The following CSNK2A2IP variants were observed in gnomAD, a reference collection of about 807,000 sequenced individuals.
The protein encoded by CSNK2A2IP is casein kinase II subunit alpha'-interacting protein.
chr3:88,342,798 T>C, the CSNK2A2IP span, among the ~76,000 whole-genome samples: 1 of 151,836 alleles, frequency 6.6e-6, no homozygotes, highest in Non-Finnish European at 1.5e-5. Context: ...CTTTTGTAGG[T>C]TGATAATTTT....
chr3:88,446,110 CTTTCTTTT>C, the CSNK2A2IP span, among the ~76,000 whole-genome samples: 95 of 88,954 alleles, frequency 1.1e-3, 2 homozygotes, highest in African/African-American at 4.1e-3. Flanking sequence ...TTTTTTCTTT[CTTTCTTTT>C]TTTTCTTTCT....
the CSNK2A2IP span, among the ~76,000 whole-genome samples, chr3:88,419,671 G>T: frequency 1.3e-5 from 2 of 152,108 alleles, no homozygotes; most frequent in African/African-American, 4.8e-5. Flanking sequence ...AGTTCTTTGA[G>T]AAAAGGAAGT....
chr3:88,437,409 A>G, the CSNK2A2IP span, among the ~76,000 whole-genome samples: 1 of 152,186 alleles, frequency 6.6e-6, no homozygotes, highest in Non-Finnish European at 1.5e-5. Flanking sequence ...TACTGCCCTC[A>G]ATTAAATGAA....
At chr3:88,426,889 T>TGGGGGGGGGG in the CSNK2A2IP span, among the ~76,000 whole-genome samples, 3 of 123,732 alleles carry the variant, frequency 2.4e-5, no homozygotes, top group East Asian at 2.7e-4. Context: ...CCACGGGGGA[T>TGGGGGGGGGG]GGGGGGGGGC....
the CSNK2A2IP span, among the ~76,000 whole-genome samples, chr3:88,371,209 T>C: frequency 6.6e-6 from 1 of 151,848 alleles, no homozygotes; most frequent in African/African-American, 2.4e-5. Flanking sequence ...CATCCAGCAA[T>C]GCAAACTGAT....
chr3:88,465,090 A>T, the CSNK2A2IP span: 8 of 291,802 alleles, frequency 2.7e-5, no homozygotes, highest in Non-Finnish European at 4.4e-5. Flanking sequence ...GTTAACAGGC[A>T]TTATTTACTC....
the CSNK2A2IP span, among the ~76,000 whole-genome samples, chr3:88,447,455 G>A: frequency 1.3e-5 from 2 of 151,986 alleles, no homozygotes; most frequent in Non-Finnish European, 2.9e-5. Flanking sequence ...AATTCTAACT[G>A]TAGAAACTAA....
the CSNK2A2IP span, among the ~76,000 whole-genome samples, chr3:88,464,175 A>AG: frequency 9.4e-6 from 1 of 106,036 alleles, no homozygotes; most frequent in Non-Finnish European, 1.9e-5. Context: ...GTGTGGGGGG[A>AG]GGGGGGAGGG....
chr3:88,466,406 CA>C, the CSNK2A2IP span: 7 of 1,231,930 alleles, frequency 5.7e-6, no homozygotes, highest in Non-Finnish European at 7.1e-6. Context: ...ACCACTTCAC[CA>C]AATGGCAAAC....
chr3:88,443,583 A>G, the CSNK2A2IP span, among the ~76,000 whole-genome samples: 11 of 152,096 alleles, frequency 7.2e-5, no homozygotes, highest in African/African-American at 2.7e-4. Context: ...AAAGATAGAG[A>G]AACAGAAATT....
chr3:88,426,976 C>G, the CSNK2A2IP span, among the ~76,000 whole-genome samples: 1 of 151,652 alleles, frequency 6.6e-6, no homozygotes, highest in East Asian at 1.9e-4. Flanking sequence ...GAGATTGGAA[C>G]AGTTTGGAGG....
chr3:88,421,873 A>C, the CSNK2A2IP span, among the ~76,000 whole-genome samples: 3 of 152,292 alleles, frequency 2.0e-5, no homozygotes, highest in Non-Finnish European at 4.4e-5. Flanking sequence ...CTTTTACCAG[A>C]AACTATTCTA....
chr3:88,343,379 G>A, the CSNK2A2IP span: 22 of 152,112 alleles, frequency 1.4e-4, no homozygotes, highest in Non-Finnish European at 2.4e-4. Context: ...AAAGGAGACA[G>A]AAACAAGGGA....
At chr3:88,372,764 T>TAAG in the CSNK2A2IP span, among the ~76,000 whole-genome samples, 2 of 151,444 alleles carry the variant, frequency 1.3e-5, no homozygotes, top group South Asian at 2.1e-4. Context: ...ATTTTAAATA[T>TAAG]AAGTATGTTG....
At chr3:88,466,605 T>C in the CSNK2A2IP span, 2 of 1,231,566 alleles carry the variant, frequency 1.6e-6, no homozygotes, top group Admixed American at 4.2e-5. Context: ...CTTTAAAGTA[T>C]AGTCAGCCCT....
the CSNK2A2IP span, among the ~76,000 whole-genome samples, chr3:88,452,034 A>G: frequency 3.7e-4 from 56 of 152,218 alleles, no homozygotes; most frequent in African/African-American, 1.3e-3. Flanking sequence ...CTGCTCTGGA[A>G]TATTCTCTAA....
chr3:88,456,217 C>A, the CSNK2A2IP span, among the ~76,000 whole-genome samples: 15 of 152,096 alleles, frequency 9.9e-5, no homozygotes, highest in African/African-American at 3.6e-4. Context: ...ATTGCTTTTT[C>A]TATTTCTGCA....
the CSNK2A2IP span, chr3:88,465,509 A>G: frequency 8.1e-7 from 1 of 1,231,734 alleles, no homozygotes; most frequent in Non-Finnish European, 1.0e-6. Flanking sequence ...TCCCATAGCA[A>G]TCACTTTGCA....
the CSNK2A2IP span, among the ~76,000 whole-genome samples, chr3:88,405,577 G>T: frequency 2.0e-5 from 3 of 152,078 alleles, no homozygotes; most frequent in African/African-American, 7.2e-5. Context: ...TTAGGCCTAG[G>T]AATAATAATA....
Sources: gnomAD v4.1 joint callset for allele counts (sites outside exome capture counted in the v4.1 genomes callset) on GRCh38, gnomAD v4.1.1 for gene constraint, MANE v1.5 for transcripts, NCBI Gene and HGNC (gene_info 2026-07-23, HGNC 2026-07-21) for gene names.